Variants in SHPRH observed in about 807,000 individuals in gnomAD.
SHPRH encodes the protein E3 ubiquitin-protein ligase SHPRH.
Under a neutral mutation model 202.5 loss-of-function variants are expected in SHPRH, and 106 were observed. That is an observed-to-expected ratio of 0.52 (90% confidence interval 0.45 to 0.62). The LOEUF (loss-of-function observed/expected upper bound fraction) is 0.62, where lower values mean the gene tolerates loss of function less well. SHPRH is among the 20% of genes least tolerant of loss of function. The pLI is 0.00. For synonymous variants in SHPRH, 729 were observed against 686.0 expected, an observed-to-expected ratio of 1.06 and a Z score of -0.98; for missense variants, 1,710 against 2,020.0, an observed-to-expected ratio of 0.85 and a Z score of 2.94.
chr6:145,902,306 G>T (rs1451192797), intron 25 of SHPRH, among the ~76,000 whole-genome samples: 1 of 152,066 alleles, frequency 6.6e-6, no homozygotes, highest in Non-Finnish European at 1.5e-5. Context: ...ATGTCATGTG[G>T]CTTATCTGCT....
chr6:145,961,663 C>A (rs1030938545), intron 1 of SHPRH, among the ~76,000 whole-genome samples: 1 of 151,852 alleles, frequency 6.6e-6, no homozygotes, highest in Non-Finnish European at 1.5e-5. Context: ...TGTATTCTTT[C>A]AGCCTGATTC....
chr6:145,942,090 C>T (rs1236526634), intron 9 of SHPRH, among the ~76,000 whole-genome samples: 1 of 152,080 alleles, frequency 6.6e-6, no homozygotes, highest in Non-Finnish European at 1.5e-5. Context: ...GTGAACATGA[C>T]AGCATCACAG....
intron 21 of SHPRH, among the ~76,000 whole-genome samples, chr6:145,920,127 C>T (rs1445017606): frequency 1.3e-5 from 2 of 152,120 alleles, no homozygotes; most frequent in African/African-American, 2.4e-5. Context: ...TTGACAGGCT[C>T]TCTTCACTGA....
intron 1 of SHPRH, among the ~76,000 whole-genome samples, chr6:145,957,540 T>A (rs1012092846): frequency 6.6e-6 from 1 of 152,052 alleles, no homozygotes; most frequent in Admixed American, 6.6e-5. Context: ...AAGTCAAAAA[T>A]TTTGAATAGA....
chr6:145,934,258 G>A (rs1415025485), intron 13 of SHPRH, among the ~76,000 whole-genome samples: 1 of 151,872 alleles, frequency 6.6e-6, no homozygotes, highest in African/African-American at 2.4e-5. Context: ...CCTGAGGTCT[G>A]GAGTTCAAGA....
intron 1 of SHPRH, among the ~76,000 whole-genome samples, chr6:145,955,955 T>C (rs12190431): frequency 0.029 from 4,374 of 152,116 alleles, 92 homozygotes; most frequent in Non-Finnish European, 0.044. Flanking sequence ...AAATGATAGA[T>C]ATACAAGTGA....
rs552244394 is a variant in SHPRH at position 145,916,287 on chromosome 6, G to A, written c.4254+1844C>T. 9.9e-5 allele frequency among the ~76,000 whole-genome samples: 15 copies of A among 152,048 alleles called. No homozygotes were observed. In the East Asian group the frequency reaches 2.1e-3, roughly 22 times the overall value. On this transcript the variant is annotated intron_variant, in intron 23 of 29. Transcript: ENST00000275233. ...AATCCAAAAATCTGTAATCTAAAAC[G>A]CTCTAAAATCATAAACTTTTTGAGT...
intron 8 of SHPRH, 92 bp from the exon 9 acceptor site, chr6:145,943,894 T>C: frequency 8.3e-7 from 1 of 1,198,924 alleles, no homozygotes; most frequent in East Asian, 2.4e-5. Context: ...TATAATTATG[T>C]AGCAGCCAGT....
At chr6:145,942,425 C>T (rs983020162) in intron 9 of SHPRH, among the ~76,000 whole-genome samples, 2 of 152,126 alleles carry the variant, frequency 1.3e-5, no homozygotes, top group African/African-American at 2.4e-5. Flanking sequence ...GGAACTAAGA[C>T]TCAAAGCTTT....
At chr6:145,962,021 T>C (rs1306364825) in intron 1 of SHPRH, among the ~76,000 whole-genome samples, 1 of 151,932 alleles carries the variant, frequency 6.6e-6, no homozygotes, top group Non-Finnish European at 1.5e-5. Flanking sequence ...CAGTCACAAC[T>C]ACTTCTTCCT....
intron 2 of SHPRH, among the ~76,000 whole-genome samples, chr6:145,953,052 T>C (rs975963869): frequency 2.6e-5 from 4 of 152,096 alleles, no homozygotes; most frequent in Non-Finnish European, 4.4e-5. Flanking sequence ...AAATAACCTA[T>C]TGATTTTGAC....
chr6:145,866,144 G>A (rs1779770838), intron 2 of SHPRH, among the ~76,000 whole-genome samples: 1 of 152,224 alleles, frequency 6.6e-6, no homozygotes, highest in Non-Finnish European at 1.5e-5. Flanking sequence ...GGGAAAAACA[G>A]TTGCTTTCAT....
Position 145,945,473 on chromosome 6 carries a change from C to G in SHPRH, c.1486G>C (p.Val496Leu). The change falls in exon 8 of 30, where the codon GTG becomes CTG. Residue 496 changes from valine to leucine, a missense_variant. This residue lies in a region of SHPRH where 348 missense variants were observed against 356.9 expected (regional missense o/e 0.97). Coordinates refer to ENST00000275233, the MANE Select transcript of SHPRH (RefSeq NM_001042683.3). ...AAACCATGGCCTTTGATCTGTTTCA[C>G]GAGACCTTCAAAAATTAAACATTTC... is the stretch of plus-strand genomic sequence containing the variant. ...MLKCLIFEGL[V>L]KQIKGHGFSG... is the part of the protein sequence containing the mutation. 5 of 1,613,140 alleles carry G rather than the reference C, an allele frequency of 3.1e-6. No homozygotes were observed. Among genetic ancestry groups the G allele is most frequent in the Non-Finnish European group, 4.2e-6 (5 of 1,179,496 alleles).
intron 18 of SHPRH, among the ~76,000 whole-genome samples, chr6:145,923,428 G>C (rs1211132786): frequency 6.6e-6 from 1 of 151,798 alleles, no homozygotes; most frequent in Admixed American, 6.6e-5. Flanking sequence ...ACAAAGGTAG[G>C]TCGCAGTTAG....
intron 11 of SHPRH, among the ~76,000 whole-genome samples, chr6:145,936,378 C>G (rs761480663): frequency 6.6e-6 from 1 of 152,084 alleles, no homozygotes; most frequent in Non-Finnish European, 1.5e-5. Flanking sequence ...TGCCCAGGCT[C>G]GAGTGCAGTG....
chr6:145,912,807 T>A lies in SHPRH; in HGVS notation c.4326+671A>T, dbSNP rs556764418. Among the ~76,000 whole-genome samples, 225 of 152,230 alleles carry A rather than the reference T, an allele frequency of 1.5e-3. 1 individual carries two copies. Among genetic ancestry groups the A allele is most frequent in the African/African-American group, 5.1e-3 (214 of 41,560 alleles). On this transcript the variant is annotated intron_variant, in intron 24 of 29. Transcript: ENST00000275233. ...AAGACTATTTCTACTTCTTCAACAG[T>A]AATAGGCTTATCTTTCAAATTTTCA...
At chr6:145,902,923 T>C (rs1267156848) in intron 25 of SHPRH, among the ~76,000 whole-genome samples, 1 of 152,136 alleles carries the variant, frequency 6.6e-6, no homozygotes, top group Admixed American at 6.6e-5. Context: ...AAGATAAGTT[T>C]TAGTTTATAT....
chr6:145,917,814 G>A (rs1042865262), intron 23 of SHPRH: 2 of 198,468 alleles, frequency 1.0e-5, no homozygotes, highest in Non-Finnish European at 2.0e-5. Flanking sequence ...ATGAATGCAT[G>A]TGTATAAATT....
chr6:145,950,372 G>C lies in SHPRH; in HGVS notation c.874C>G (p.Gln292Glu). The change falls in exon 4 of 30, where the codon CAA (glutamine) becomes GAA (glutamate). Residue 292 changes from glutamine to glutamate, a missense_variant. Around this residue, in one of 8 missense-constraint regions of SHPRH, gnomAD observed 459 missense variants for 426.5 expected, o/e 1.08. Coordinates refer to ENST00000275233, the MANE Select transcript of SHPRH (RefSeq NM_001042683.3). Reference protein sequence around the residue: ...QTHQQETQSIQVDVQHPALIP... With the variant: ...QTHQQETQSIEVDVQHPALIP... ...AATGCAGGATGCTGGACATCCACTT[G>C]GATGGACTGCGTTTCTTGCTGATGT... 1 of 1,613,272 alleles carries C rather than the reference G, an allele frequency of 6.2e-7. No individual in the cohort carries two copies. Among genetic ancestry groups the C allele is most frequent in the South Asian group, 1.1e-5 (1 of 91,068 alleles).
Sources: gnomAD v4.1 joint callset for allele counts (sites outside exome capture counted in the v4.1 genomes callset) on GRCh38, gnomAD v4.1.1 for gene constraint, gnomAD v4.1.1 regional missense constraint, MANE v1.5 for transcripts, NCBI Gene and HGNC (gene_info 2026-07-23, HGNC 2026-07-21) for gene names.